The following CCDC171 variants were observed in gnomAD, a reference collection of about 807,000 sequenced individuals.
CCDC171 encodes coiled-coil domain-containing protein 171.
A neutral mutation model predicts 168.2 loss-of-function variants in CCDC171; 177 were observed. The ratio of observed to expected loss-of-function variants is 1.05; its 90% CI spans 0.93 to 1.19. The LOEUF (loss-of-function observed/expected upper bound fraction) is 1.19. CCDC171 is among the 50% of genes most tolerant of loss of function. The probability of loss-of-function intolerance (pLI) is 0.00; values close to 1 mark genes in which losing one functional copy is unlikely to be tolerated. For synonymous variants in CCDC171, 687 were observed against 540.8 expected (o/e 1.27, Z -3.75); for missense variants, 1,991 against 1,539.0 (o/e 1.29, Z -4.91).
At chr9:15,961,597 T>C (rs1331256379) in intron 25 of CCDC171, among the ~76,000 whole-genome samples, 1 of 152,166 alleles carries the variant, frequency 6.6e-6, no homozygotes, top group Non-Finnish European at 1.5e-5. Flanking sequence ...CTTTGCTTGA[T>C]CAAAATCTTT....
At chr9:16,099,381 T>A in the CCDC171 span, among the ~76,000 whole-genome samples, 1 of 152,224 alleles carries the variant, frequency 6.6e-6, no homozygotes, top group Non-Finnish European at 1.5e-5. Flanking sequence ...GCCATCGCAG[T>A]GGCTCTCAGA....
At chr9:16,047,211 C>A (rs1388091188) in intron 1 of CCDC171, among the ~76,000 whole-genome samples, 1 of 152,130 alleles carries the variant, frequency 6.6e-6, no homozygotes, top group African/African-American at 2.4e-5. Flanking sequence ...TTCTGGGTAC[C>A]TTGAACTCAA....
At chr9:15,978,462 T>C (rs113088219), downstream of CCDC171, among the ~76,000 whole-genome samples, 11,900 of 152,246 alleles carry the variant, frequency 0.078, 1,525 homozygotes, top group African/African-American at 0.27. Flanking sequence ...CATCATCAGC[T>C]TCAGCGTCCC....
At chr9:15,804,061 G>A (rs2058958210) in intron 21 of CCDC171, among the ~76,000 whole-genome samples, 1 of 152,098 alleles carries the variant, frequency 6.6e-6, no homozygotes, top group South Asian at 2.1e-4. Context: ...GAATGCTAGT[G>A]ATTTTTGCAC....
At chr9:15,963,023 G>T (rs970814209) in intron 25 of CCDC171, among the ~76,000 whole-genome samples, 1 of 151,500 alleles carries the variant, frequency 6.6e-6, no homozygotes, top group Non-Finnish European at 1.5e-5. Context: ...GTATTATATG[G>T]TTGTCATACT....
intron 21 of CCDC171, among the ~76,000 whole-genome samples, chr9:15,832,445 C>G (rs2060272911): frequency 6.6e-6 from 1 of 152,196 alleles, no homozygotes; most frequent in Admixed American, 6.5e-5. Flanking sequence ...CTTCTACACA[C>G]ATAGGCTCCA....
At chr9:15,991,639 G>A (rs1326454037) in intron 3 of CCDC171, among the ~76,000 whole-genome samples, 3 of 152,098 alleles carry the variant, frequency 2.0e-5, no homozygotes, top group Admixed American at 6.5e-5. Flanking sequence ...ATGAATCCAG[G>A]AGGTGGTTTT....
intron 24 of CCDC171, among the ~76,000 whole-genome samples, chr9:15,900,298 T>C (rs1378576487): frequency 6.6e-6 from 1 of 152,190 alleles, no homozygotes; most frequent in African/African-American, 2.4e-5. Context: ...ACAGCCATGT[T>C]GAAAGAGGGC....
intron 18 of CCDC171, among the ~76,000 whole-genome samples, chr9:15,746,106 G>A (rs2055256038): frequency 6.6e-6 from 1 of 152,012 alleles, no homozygotes; most frequent in Non-Finnish European, 1.5e-5. Context: ...TTTCCACCTG[G>A]TGTGGAACCA....
At chr9:15,931,456 C>CTTTTTTTTTTTTTTTTT (rs57124025) in intron 25 of CCDC171, among the ~76,000 whole-genome samples, 86 of 44,936 alleles carry the variant, frequency 1.9e-3, no homozygotes, top group South Asian at 2.4e-3. Context: ...TTCTTTCTTT[C>CTTTTTTTTTTTTTTTTT]TTTTTTTTTT....
chr9:15,870,595 C>T (rs2061993183), intron 23 of CCDC171, among the ~76,000 whole-genome samples: 1 of 151,566 alleles, frequency 6.6e-6, no homozygotes, highest in East Asian at 1.9e-4. Context: ...TTTATATATA[C>T]CTTGAGGTCT....
rs376608479 is a variant in CCDC171 at position 15,554,818 on chromosome 9, C to G, written c.-112+1516C>G. Among the ~76,000 whole-genome samples the G allele has an allele frequency of 3.3e-5, 5 of 152,244 alleles. No homozygotes were observed. The East Asian group carries it at 7.7e-4, about 23-fold the overall frequency. On this transcript the variant is annotated intron_variant, in intron 1 of 25. Coordinates refer to ENST00000380701, the MANE Select transcript of CCDC171 (RefSeq NM_173550.4). ...CATTTTCCGGCTGAATATTTTTACA[C>G]AAATTATTCAACATCTCCAAGCCTC...
chr9:15,760,598 G>T (rs1010157656), intron 18 of CCDC171, among the ~76,000 whole-genome samples: 2 of 152,142 alleles, frequency 1.3e-5, no homozygotes, highest in Non-Finnish European at 2.9e-5. Flanking sequence ...CCTGCCTAGT[G>T]TTTGTAAATG....
Position 15,758,230 on chromosome 9 carries a change from A to C in CCDC171, c.2671+12599A>C, listed in dbSNP as rs62571267. On this transcript the variant is annotated intron_variant, in intron 18 of 25. Transcript: ENST00000380701. ...GTACCTTGCAAAGACACAGGGGTGG[A>C]GCTGCCCAAGACCATGGGAACCCAC... Among the ~76,000 whole-genome samples the C allele has an allele frequency of 3.2e-3, 487 of 152,306 alleles. 1 individual carries two copies. Among genetic ancestry groups the C allele is most frequent in the South Asian group, 6.0e-3 (29 of 4,820 alleles).
At chr9:15,617,990 A>T (rs1036644502) in intron 6 of CCDC171, among the ~76,000 whole-genome samples, 1 of 151,830 alleles carries the variant, frequency 6.6e-6, no homozygotes. Flanking sequence ...GGGGTCAGGG[A>T]CCCACTTGAG....
intron 25 of CCDC171, among the ~76,000 whole-genome samples, chr9:15,943,831 G>C (rs946653005): frequency 6.6e-6 from 1 of 151,936 alleles, no homozygotes; most frequent in African/African-American, 2.4e-5. Flanking sequence ...GACTCCTGTA[G>C]TGCAATAAGG....
chr9:15,873,223 A>T (rs1817413591), intron 23 of CCDC171, among the ~76,000 whole-genome samples: 2 of 152,102 alleles, frequency 1.3e-5, no homozygotes, highest in Admixed American at 1.3e-4. Flanking sequence ...GAAACTCAAT[A>T]GAGTTTGTTT....
the CCDC171 span, among the ~76,000 whole-genome samples, chr9:16,108,093 G>C: frequency 1.3e-5 from 2 of 152,218 alleles, no homozygotes; most frequent in African/African-American, 4.8e-5. Flanking sequence ...AGTTTCAGAA[G>C]CCGGAAGAAA....
intron 7 of CCDC171, among the ~76,000 whole-genome samples, chr9:15,648,333 G>T (rs1488805953): frequency 6.6e-6 from 1 of 152,106 alleles, no homozygotes; most frequent in African/African-American, 2.4e-5. Flanking sequence ...TTTGAAAACT[G>T]GCACAATCCA....
Sources: gnomAD v4.1 joint callset for allele counts (sites outside exome capture counted in the v4.1 genomes callset) on GRCh38, gnomAD v4.1.1 for gene constraint, MANE v1.5 for transcripts, NCBI Gene and HGNC (gene_info 2026-07-23, HGNC 2026-07-21) for gene names.